Variants in MIR2052HG observed in about 807,000 individuals in gnomAD.
MIR2052HG encodes the protein MIR2052 host gene.
intron 2 of MIR2052HG, among the ~76,000 whole-genome samples, chr8:74,688,694 C>G (rs547435923): frequency 6.6e-6 from 1 of 151,922 alleles, no homozygotes; most frequent in Non-Finnish European, 1.5e-5. Context: ...TTTTGGGGAA[C>G]AGGTGGTATT....
At chr8:74,727,697 T>C (rs1809651186) in intron 4 of MIR2052HG, among the ~76,000 whole-genome samples, 1 of 152,174 alleles carries the variant, frequency 6.6e-6, no homozygotes. Flanking sequence ...TCTACTGACT[T>C]GGTTAGCTAC....
intron 5 of MIR2052HG, among the ~76,000 whole-genome samples, chr8:74,755,208 T>G (rs1158223614): frequency 6.6e-6 from 1 of 152,224 alleles, no homozygotes; most frequent in Non-Finnish European, 1.5e-5. Flanking sequence ...TTTAAAAAAA[T>G]TCAACACAAT....
chr8:74,708,402 C>T (rs1809432205), intron 4 of MIR2052HG, among the ~76,000 whole-genome samples: 1 of 152,120 alleles, frequency 6.6e-6, no homozygotes. Flanking sequence ...CATGCTTGGG[C>T]AACTTGTCAA....
chr8:74,669,441 C>G (rs573385646), intron 2 of MIR2052HG, among the ~76,000 whole-genome samples: 1 of 152,332 alleles, frequency 6.6e-6, no homozygotes, highest in South Asian at 2.1e-4. Flanking sequence ...TGTCTCCTTT[C>G]TAGTATGCTT....
rs566650474 is a variant in MIR2052HG, at chr8:74,687,555, T to C, written n.217-14824T>C. On this transcript the variant is annotated intron_variant and non_coding_transcript_variant, in intron 2 of 6. Transcript: ENST00000523442. The stretch of plus-strand genomic sequence containing the variant: ...GCCATCTGTGACAACTGGAGAACAT[T>C]ATACTAAGTAGAATAAGCCAGGCGC... Among the ~76,000 whole-genome samples, 649 of 152,220 alleles carry C rather than the reference T, an allele frequency of 4.3e-3. 3 individuals are homozygous for C. Among genetic ancestry groups the C allele is most frequent in the Middle Eastern group, 6.8e-3 (2 of 294 alleles).
chr8:74,754,727 A>C (rs988524086), intron 5 of MIR2052HG, among the ~76,000 whole-genome samples: 1 of 152,130 alleles, frequency 6.6e-6, no homozygotes, highest in Non-Finnish European at 1.5e-5. Flanking sequence ...ACGCAAGGGG[A>C]AAGGAAGAGC....
intron 4 of MIR2052HG, among the ~76,000 whole-genome samples, chr8:74,710,650 G>A (rs543262804): frequency 2.6e-5 from 4 of 152,200 alleles, no homozygotes; most frequent in East Asian, 3.9e-4. Context: ...CCTAGAAGTC[G>A]TTATGAAATG....
chr8:74,604,248 G>A lies in MIR2052HG; in HGVS notation n.128+4340G>A. Reference sequence around the variant, plus strand: ...CTTCAATCACACTGGTTTCCATGTCGAGCAGTGTTCTGGGGAGCTGGACTT... The same window carrying A: ...CTTCAATCACACTGGTTTCCATGTCAAGCAGTGTTCTGGGGAGCTGGACTT... On this transcript the variant is annotated intron_variant and non_coding_transcript_variant, in intron 1 of 6. Coordinates refer to ENST00000523442, the Ensembl canonical transcript of MIR2052HG. 5.7e-6 allele frequency: 5 copies of A among 878,212 alleles called. No individual in the cohort carries two copies. In the East Asian group the frequency reaches 1.0e-4, roughly 18 times the overall value. The allele number at this position is 878,212 out of a possible 1,614,324, so 54.4% of individuals were successfully genotyped here.
chr8:74,718,353 G>A (rs1809541591), intron 4 of MIR2052HG, among the ~76,000 whole-genome samples: 1 of 152,010 alleles, frequency 6.6e-6, no homozygotes, highest in South Asian at 2.1e-4. Flanking sequence ...AAGCAGCCCA[G>A]GGCTCATATG....
At chr8:74,600,979 T>C (rs1807992482) in intron 1 of MIR2052HG, among the ~76,000 whole-genome samples, 1 of 152,212 alleles carries the variant, frequency 6.6e-6, no homozygotes. Context: ...ACAATATTCT[T>C]TGCTGCTTTA....
chr8:74,603,956 G>A (rs578218879), intron 1 of MIR2052HG: 2 of 980,664 alleles, frequency 2.0e-6, no homozygotes, highest in African/African-American at 1.6e-5. Flanking sequence ...AGGGTGACTG[G>A]GGGTCTAGTG....
chr8:74,646,140 A>G (rs1202968671), intron 2 of MIR2052HG, among the ~76,000 whole-genome samples: 1 of 139,430 alleles, frequency 7.2e-6, no homozygotes, highest in Non-Finnish European at 1.5e-5. Context: ...TGCCTAAAAT[A>G]CAGTGTGATT....
intron 2 of MIR2052HG, among the ~76,000 whole-genome samples, chr8:74,690,221 T>A (rs114045514): frequency 1.7e-4 from 26 of 152,338 alleles, no homozygotes; most frequent in African/African-American, 6.3e-4. Flanking sequence ...TTATGTTGAA[T>A]GTCACAGAGT....
chr8:74,687,463 G>T (rs1361460163), intron 2 of MIR2052HG, among the ~76,000 whole-genome samples: 1 of 152,030 alleles, frequency 6.6e-6, no homozygotes, highest in Non-Finnish European at 1.5e-5. Flanking sequence ...AGTGACAGAT[G>T]AATAGATAAA....
chr8:74,670,507 G>A (rs1391079378), intron 2 of MIR2052HG, among the ~76,000 whole-genome samples: 1 of 152,092 alleles, frequency 6.6e-6, no homozygotes, highest in Non-Finnish European at 1.5e-5. Flanking sequence ...AATAACGGAA[G>A]GACTATAAAC....
At chr8:74,722,162 C>G (rs1809584257) in intron 4 of MIR2052HG, among the ~76,000 whole-genome samples, 1 of 152,022 alleles carries the variant, frequency 6.6e-6, no homozygotes. Context: ...GGGCAACAGA[C>G]AGAGTAAAGC....
At chr8:74,661,073 A>G (rs1364168937) in intron 2 of MIR2052HG, among the ~76,000 whole-genome samples, 1 of 152,196 alleles carries the variant, frequency 6.6e-6, no homozygotes, top group African/African-American at 2.4e-5. Flanking sequence ...GGAGATAATA[A>G]CTACAACTGA....
intron 2 of MIR2052HG, among the ~76,000 whole-genome samples, chr8:74,656,632 G>A (rs767124621): frequency 1.2e-4 from 19 of 152,038 alleles, no homozygotes; most frequent in Non-Finnish European, 2.4e-4. Flanking sequence ...CCCAGTCTTG[G>A]GTATGTCTTT....
chr8:74,727,552 C>A (rs1019472961), intron 4 of MIR2052HG, among the ~76,000 whole-genome samples: 1 of 152,152 alleles, frequency 6.6e-6, no homozygotes, highest in Admixed American at 6.5e-5. Flanking sequence ...TTTGCTTTCC[C>A]ACAACGTGAA....
Sources: allele counts gnomAD v4.1 joint callset (sites outside exome capture counted in the v4.1 genomes callset), GRCh38; gene constraint gnomAD v4.1.1; transcripts MANE v1.5; gene names NCBI Gene and HGNC (gene_info 2026-07-23, HGNC 2026-07-21).